The following PGM1 variants were observed in gnomAD, a reference collection of about 807,000 sequenced individuals.
PGM1 encodes the protein phosphoglucomutase-1.
A neutral mutation model predicts 55.6 loss-of-function variants in PGM1; 52 were observed. The ratio of observed to expected loss-of-function variants is 0.94; its 90% CI spans 0.75 to 1.18. The LOEUF is 1.18. Among genes scored for constraint, PGM1 ranks in the 50% most tolerant of loss-of-function variants. The pLI, the probability that PGM1 is intolerant of heterozygous loss-of-function variation, is 0.00. For synonymous variants in PGM1, 287 were observed against 271.7 expected (o/e 1.06, Z -0.55); for missense variants, 724 against 729.3 (o/e 0.99, Z 0.08).
chr1:63,602,598 G>T lies in PGM1; in HGVS notation c.246+8864G>T, dbSNP rs574546456. Among the ~76,000 whole-genome samples, 3 of 85,524 alleles carry T rather than the reference G, an allele frequency of 3.5e-5. No individual in the cohort carries two copies. In the East Asian group the frequency reaches 1.2e-3, roughly 34 times the overall value. The allele number at this position is 85,524 out of a possible 152,430, so 56.1% of individuals were successfully genotyped here. ...TTAGTCCTGTATGTTGTACTCCAATGTGCTCACAAGTGAATTGAAATGTTG... is the reference window on the plus strand; with the variant it reads ...TTAGTCCTGTATGTTGTACTCCAATTTGCTCACAAGTGAATTGAAATGTTG... On this transcript the variant is annotated intron_variant, in intron 1 of 10. Transcript: ENST00000371084.
At chr1:63,613,689 A>G (rs936266165) in intron 1 of PGM1, among the ~76,000 whole-genome samples, 5 of 150,784 alleles carry the variant, frequency 3.3e-5, no homozygotes, top group African/African-American at 1.2e-4. Context: ...TCCTGGGTTA[A>G]GACTTCAATG....
rs1397840362 is a variant in PGM1 at position 63,631,654 on chromosome 1, C to T, written c.557-3C>T. The T allele has an allele frequency of 6.2e-7, 1 of 1,612,572 alleles. No individual in the cohort carries two copies. Among genetic ancestry groups the T allele is most frequent in the Admixed American group, 1.7e-5 (1 of 60,026 alleles). On this transcript the variant is annotated splice_polypyrimidine_tract_variant and splice_region_variant and intron_variant, in intron 3 of 10. Transcript: ENST00000371084. ...CATCTTTTGATGTTGCTTGTTCTCA[C>T]AGTGGAAATTGTGGATTCGGTAGAA...
rs1357378805 is a variant in PGM1, at chr1:63,623,554, G to A, written c.247-5871G>A. 10 of 1,612,732 alleles carry A rather than the reference G, an allele frequency of 6.2e-6. No individual in the cohort carries two copies. In the East Asian group the frequency reaches 1.8e-4, roughly 29 times the overall value. ...GACTTTTGCTACAGCTCCCTACCACGATCAGAAACCAGGAACAAGTGGATT... is the reference window on the plus strand; with the variant it reads ...GACTTTTGCTACAGCTCCCTACCACAATCAGAAACCAGGAACAAGTGGATT... On this transcript the variant is annotated intron_variant, in intron 1 of 10. Coordinates refer to ENST00000371084, the MANE Select transcript of PGM1 (RefSeq NM_002633.3).
At position 63,593,774 on chromosome 1, in the gene PGM1, G is replaced by T. The variant is rs1231067663; in HGVS notation, c.246+40G>T. 5 of 1,539,348 alleles carry T rather than the reference G, an allele frequency of 3.2e-6. No homozygotes were observed. In the Admixed American group the frequency reaches 5.8e-5, roughly 18 times the overall value. ...GCCCCGCGCCGCTGTGCACCCTGGC[G>T]CGTGTGCGACGTGCGGCCCGCGGCG... On this transcript the variant is annotated intron_variant, in intron 1 of 10. Transcript: ENST00000371084.
At chr1:63,612,355 A>T (rs1029117142) in intron 1 of PGM1, among the ~76,000 whole-genome samples, 6 of 152,216 alleles carry the variant, frequency 3.9e-5, no homozygotes, top group African/African-American at 1.4e-4. Flanking sequence ...TACTGTCTTC[A>T]CTGGGACAGG....
At chr1:63,650,581 G>A (rs1159813368) in intron 8 of PGM1, among the ~76,000 whole-genome samples, 1 of 152,156 alleles carries the variant, frequency 6.6e-6, no homozygotes, top group Admixed American at 6.5e-5. Context: ...TGTCTCAGAG[G>A]TGTCATCTTG....
chr1:63,622,050 A>T (rs1648890754), intron 1 of PGM1, among the ~76,000 whole-genome samples: 1 of 152,076 alleles, frequency 6.6e-6, no homozygotes, highest in Non-Finnish European at 1.5e-5. Context: ...TCCTCAGTGC[A>T]TGTTTGGTCT....
chr1:63,641,853 G>A (rs1257862081), intron 7 of PGM1, among the ~76,000 whole-genome samples: 1 of 152,176 alleles, frequency 6.6e-6, no homozygotes, highest in Admixed American at 6.5e-5. Flanking sequence ...CTCAGTAAAC[G>A]CTTGTTGAAT....
At chr1:63,611,080 A>G (rs1034664012) in intron 1 of PGM1, among the ~76,000 whole-genome samples, 5 of 152,182 alleles carry the variant, frequency 3.3e-5, no homozygotes, top group Non-Finnish European at 7.3e-5. Context: ...TGCTTAATAC[A>G]GTGCTGTGTA....
intron 1 of PGM1, among the ~76,000 whole-genome samples, chr1:63,595,968 G>T (rs552761392): frequency 1.3e-5 from 2 of 152,150 alleles, no homozygotes; most frequent in Admixed American, 6.5e-5. Context: ...CGGTTTACTC[G>T]CCATTTCACT....
At chr1:63,650,452 T>C (rs1249254922) in intron 8 of PGM1, among the ~76,000 whole-genome samples, 1 of 152,230 alleles carries the variant, frequency 6.6e-6, no homozygotes, top group Non-Finnish European at 1.5e-5. Context: ...TAATTTCTTG[T>C]TGTTTATCAT....
At chr1:63,613,330 T>C (rs1416782014) in intron 1 of PGM1, among the ~76,000 whole-genome samples, 1 of 145,452 alleles carries the variant, frequency 6.9e-6, no homozygotes, top group Non-Finnish European at 1.5e-5. Context: ...ACAAACTGTG[T>C]GGCTTAAAAC....
chr1:63,649,218 T>G lies in PGM1; in HGVS notation c.1280+566T>G, dbSNP rs558522422. Among the ~76,000 whole-genome samples, 4 of 152,342 alleles carry G rather than the reference T, an allele frequency of 2.6e-5. No individual in the cohort carries two copies. The East Asian group carries it at 7.7e-4, about 29-fold the overall frequency. On this transcript the variant is annotated intron_variant, in intron 8 of 10. Coordinates refer to ENST00000371084, the MANE Select transcript of PGM1 (RefSeq NM_002633.3). Reference sequence around the variant, plus strand: ...TAGGTCCCCAAGGGCTATATACTTGTCAATAATTTTTTTAATTTATTCAAC... The same window carrying G: ...TAGGTCCCCAAGGGCTATATACTTGGCAATAATTTTTTTAATTTATTCAAC...
chr1:63,620,850 T>C lies in PGM1; in HGVS notation c.247-8575T>C, dbSNP rs115316257. On this transcript the variant is annotated intron_variant, in intron 1 of 10. Transcript: ENST00000371084. ...AATTTGTGTCATTGTGAAGGAGTACTGGCAATGCAGGCGAATTCATTAGGC... is the reference window on the plus strand; with the variant it reads ...AATTTGTGTCATTGTGAAGGAGTACCGGCAATGCAGGCGAATTCATTAGGC... Among the ~76,000 whole-genome samples, 773 of 152,344 alleles carry C rather than the reference T, an allele frequency of 5.1e-3. 8 individuals carry two copies. Among genetic ancestry groups the C allele is most frequent in the African/African-American group, 0.018 (731 of 41,582 alleles).
In PGM1 at chr1:63,603,807, G is replaced by T. The variant is rs150017051; in HGVS notation, c.246+10073G>T. On this transcript the variant is annotated intron_variant, in intron 1 of 10. Coordinates refer to ENST00000371084, the MANE Select transcript of PGM1 (RefSeq NM_002633.3). ...ATACCCATACTTTGAGAAGCACGTG[G>T]GGACTAAGACTGAGCAGGGGCCTGT... Among the ~76,000 whole-genome samples, 9 of 152,314 alleles carry T rather than the reference G, an allele frequency of 5.9e-5. No individual in the cohort carries two copies. In the East Asian group the frequency reaches 1.7e-3, roughly 29 times the overall value.
At chr1:63,639,606 G>T (rs1649460896) in intron 7 of PGM1, among the ~76,000 whole-genome samples, 3 of 152,144 alleles carry the variant, frequency 2.0e-5, no homozygotes, top group African/African-American at 2.4e-5. Flanking sequence ...GTAGTTAAGT[G>T]ACTGCATCTC....
chr1:63,620,109 C>T (rs1648844202), intron 1 of PGM1, among the ~76,000 whole-genome samples: 1 of 152,194 alleles, frequency 6.6e-6, no homozygotes, highest in Admixed American at 6.5e-5. Flanking sequence ...GAGCTATCCC[C>T]ATTTTATAGG....
rs1047970431 is a variant in PGM1 at position 63,612,450 on chromosome 1, C to T, written c.247-16975C>T. 5.3e-5 allele frequency among the ~76,000 whole-genome samples: 8 copies of T among 152,078 alleles called. No homozygotes were observed. The South Asian group carries it at 1.0e-3, about 20-fold the overall frequency. ...CTAAGTTAAATTATACATTTATAGA[C>T]GCAAAAAAAATTTTGACATACAGTG... On this transcript the variant is annotated intron_variant, in intron 1 of 10. Coordinates refer to ENST00000371084, the MANE Select transcript of PGM1 (RefSeq NM_002633.3).
At chr1:63,630,185 A>T in intron 3 of PGM1, 97 bp downstream of exon 3, 1 of 1,228,668 alleles carries the variant, frequency 8.1e-7, no homozygotes, top group South Asian at 1.2e-5. Context: ...CTTTGGAAAG[A>T]TTTCCGTGAG....
Sources: allele counts gnomAD v4.1 joint callset (sites outside exome capture counted in the v4.1 genomes callset), GRCh38; gene constraint gnomAD v4.1.1; transcripts MANE v1.5; gene names NCBI Gene and HGNC (gene_info 2026-07-23, HGNC 2026-07-21).